The following TBC1D2B variants were observed in gnomAD, a reference collection of about 807,000 sequenced individuals.
TBC1D2B encodes TBC1 domain family, member 2B.
Under a neutral mutation model 100.8 loss-of-function variants are expected in TBC1D2B, and 64 were observed. The ratio of observed to expected loss-of-function variants is 0.64; its 90% CI spans 0.52 to 0.78. TBC1D2B has a LOEUF of 0.78. Ranked by LOEUF, TBC1D2B falls within the 30% of genes least tolerant of loss-of-function variation. The pLI is 0.00. For synonymous variants in TBC1D2B, 480 were observed against 479.7 expected (o/e 1.00, Z -0.01); for missense variants, 1,052 against 1,218.4 (o/e 0.86, Z 2.03).
chr15:78,030,664 T>G (rs920838818), intron 3 of TBC1D2B, among the ~76,000 whole-genome samples: 1 of 152,164 alleles, frequency 6.6e-6, no homozygotes, highest in Non-Finnish European at 1.5e-5. Flanking sequence ...ACTATTACCA[T>G]GCAGAGGAAC....
intron 1 of TBC1D2B, among the ~76,000 whole-genome samples, chr15:78,075,422 GCTC>G (rs981407530): frequency 3.9e-5 from 6 of 151,960 alleles, no homozygotes; most frequent in Non-Finnish European, 8.8e-5. Flanking sequence ...ATGGTCTCGA[GCTC>G]CTGACCTCGT....
At chr15:78,045,108 T>G (rs778297131) in intron 2 of TBC1D2B, 40 bp from the exon 3 acceptor site, 17 of 1,566,302 alleles carry the variant, frequency 1.1e-5, no homozygotes, top group Non-Finnish European at 1.4e-5. Flanking sequence ...ACTCAAAGCT[T>G]CCACACGAAA....
At chr15:78,074,959 C>A (rs560197218) in intron 1 of TBC1D2B, among the ~76,000 whole-genome samples, 1 of 152,218 alleles carries the variant, frequency 6.6e-6, no homozygotes, top group East Asian at 1.9e-4. Context: ...ATTTTCCATA[C>A]CACTATGGAA....
At chr15:78,052,752 C>A (rs2073340672) in intron 2 of TBC1D2B, among the ~76,000 whole-genome samples, 2 of 152,226 alleles carry the variant, frequency 1.3e-5, no homozygotes, top group South Asian at 4.1e-4. Context: ...ATGAACCCTG[C>A]CTGTTCCCAC....
intron 10 of TBC1D2B, among the ~76,000 whole-genome samples, chr15:78,006,550 T>C (rs1277374393): frequency 1.3e-5 from 2 of 152,230 alleles, no homozygotes; most frequent in Admixed American, 1.3e-4. Flanking sequence ...TCCAGCTCTC[T>C]TGCCATCCTC....
chr15:78,007,564 C>T (rs879801599), intron 10 of TBC1D2B, among the ~76,000 whole-genome samples: 3 of 152,202 alleles, frequency 2.0e-5, no homozygotes, highest in Non-Finnish European at 4.4e-5. Context: ...AGGACCCTCC[C>T]TCCAAAGGCA....
At chr15:78,023,671 C>A in intron 6 of TBC1D2B, among the ~76,000 whole-genome samples, 1 of 152,212 alleles carries the variant, frequency 6.6e-6, no homozygotes, top group East Asian at 1.9e-4. Flanking sequence ...GGCACTGACT[C>A]TGAACAGGCC....
At chr15:78,038,131 C>G (rs1017556611) in intron 3 of TBC1D2B, among the ~76,000 whole-genome samples, 4 of 152,152 alleles carry the variant, frequency 2.6e-5, no homozygotes, top group Non-Finnish European at 5.9e-5. Context: ...GGGTCTGGAG[C>G]CTTCCCTCAT....
chr15:77,998,792 G>A (rs867566640), intron 12 of TBC1D2B: 39 of 174,026 alleles, frequency 2.2e-4, no homozygotes, highest in African/African-American at 8.3e-4. Flanking sequence ...GCACGAGTCC[G>A]GGACGTCTGT....
intron 6 of TBC1D2B, among the ~76,000 whole-genome samples, chr15:78,023,488 A>G (rs1256592719): frequency 6.6e-6 from 1 of 152,144 alleles, no homozygotes; most frequent in Non-Finnish European, 1.5e-5. Context: ...CCTCTCACAA[A>G]TGCTGTGTGT....
chr15:78,039,440 T>C (rs1424920191), intron 3 of TBC1D2B, among the ~76,000 whole-genome samples: 14 of 152,024 alleles, frequency 9.2e-5, no homozygotes, highest in Admixed American at 9.2e-4. Flanking sequence ...AAACAAAGGA[T>C]CAGAGCGGGG....
chr15:78,076,680 C>T (rs759795955), intron 1 of TBC1D2B, among the ~76,000 whole-genome samples: 4 of 152,044 alleles, frequency 2.6e-5, no homozygotes, highest in Admixed American at 2.6e-4. Flanking sequence ...TGAGCCCAGG[C>T]ATGGAGGCTG....
chr15:78,040,630 A>G (rs12594915), intron 3 of TBC1D2B, among the ~76,000 whole-genome samples: 39 of 53,834 alleles, frequency 7.2e-4, no homozygotes, highest in African/African-American at 1.3e-3. Context: ...GAGAGAGAGA[A>G]AGAAAAAGAA....
chr15:78,017,281 C>T (rs2072400938), intron 7 of TBC1D2B: 1 of 153,636 alleles, frequency 6.5e-6, no homozygotes, highest in African/African-American at 2.4e-5. Flanking sequence ...GATTACAGCT[C>T]ATTTGATGAC....
In TBC1D2B at chr15:78,003,292, T is replaced by G; in HGVS notation, c.2574+13A>C. On this transcript the variant is annotated intron_variant, in intron 11 of 12. Coordinates refer to ENST00000300584, the MANE Select transcript of TBC1D2B (RefSeq NM_144572.2). ...TGTGTATATCTGAAAATAGCTGAGC[T>G]GAGCTAACTCACCTTTGGTCCTTCA... 6.2e-7 allele frequency: 1 copy of G among 1,610,550 alleles called. No homozygotes were observed. Among genetic ancestry groups the G allele is most frequent in the Non-Finnish European group, 8.5e-7 (1 of 1,177,064 alleles).
chr15:78,070,853 G>A (rs1473858616), intron 1 of TBC1D2B, among the ~76,000 whole-genome samples: 1 of 151,746 alleles, frequency 6.6e-6, no homozygotes, highest in Non-Finnish European at 1.5e-5. Flanking sequence ...ACAGAGTTTC[G>A]CTCTTGTCGC....
At chr15:78,000,278 G>A (rs2071876586) in intron 12 of TBC1D2B, among the ~76,000 whole-genome samples, 1 of 152,246 alleles carries the variant, frequency 6.6e-6, no homozygotes, top group African/African-American at 2.4e-5. Flanking sequence ...AGGTTGGCCT[G>A]CGGTGCCAGG....
rs758837869 is a variant in TBC1D2B at position 78,001,666 on chromosome 15, A to G, written c.2649T>C (p.Ser883=). The change falls in exon 12 of 13, where the codon TCT becomes TCC. Residue 883 remains serine, a synonymous_variant. Transcript: ENST00000300584. ...TGAAGTAGCGGAGATACTTAAATAT[A>G]GACATCGAATCTTGCAATTTCAAAA... is the stretch of plus-strand genomic sequence containing the variant. ...EEILKLQDSM[S]IFKYLRYFTR... 3 of 1,608,350 alleles carry G rather than the reference A, an allele frequency of 1.9e-6. No homozygotes were observed. The South Asian group carries it at 3.3e-5, about 18-fold the overall frequency.
intron 8 of TBC1D2B, among the ~76,000 whole-genome samples, chr15:78,013,698 C>T (rs1350911817): frequency 6.6e-6 from 1 of 151,492 alleles, no homozygotes; most frequent in African/African-American, 2.4e-5. Context: ...ATATGTATAA[C>T]TTTATGCTTA....
Sources: gnomAD v4.1 joint callset for allele counts (sites outside exome capture counted in the v4.1 genomes callset) on GRCh38, gnomAD v4.1.1 for gene constraint, MANE v1.5 for transcripts, NCBI Gene and HGNC (gene_info 2026-07-23, HGNC 2026-07-21) for gene names.